DIP2A: variants seen among roughly 807,000 people sequenced by gnomAD.
The protein encoded by DIP2A is disco-interacting protein 2 homolog A.
A neutral mutation model predicts 177.4 loss-of-function variants in DIP2A; 85 were observed. The ratio of observed to expected loss-of-function variants is 0.48; its 90% CI spans 0.40 to 0.57. DIP2A has a LOEUF of 0.57. Ranked by LOEUF, DIP2A falls within the 20% of genes least tolerant of loss-of-function variation. The probability of loss-of-function intolerance (pLI) is 0.00; values close to 1 mark genes in which losing one functional copy is unlikely to be tolerated. For missense variants in DIP2A, 1,791 were observed against 2,100.2 expected, an observed-to-expected ratio of 0.85 and a Z score of 2.88; for synonymous variants, 886 against 881.8, an observed-to-expected ratio of 1.00 and a Z score of -0.08.
chr21:46,555,903 C>T, intron 28 of DIP2A, 79 bp from the exon 29 acceptor site: 6 of 1,059,282 alleles, frequency 5.7e-6, no homozygotes, highest in East Asian at 2.4e-5. Flanking sequence ...AATCATGTGT[C>T]GCCTCTTGCC....
At chr21:46,524,436 C>G (rs1191779579) in intron 8 of DIP2A, among the ~76,000 whole-genome samples, 2 of 152,160 alleles carry the variant, frequency 1.3e-5, no homozygotes, top group African/African-American at 4.8e-5. Flanking sequence ...GGTAAATGCA[C>G]CCCACTTACC....
chr21:46,551,690 C>T lies in DIP2A; in HGVS notation c.2896C>T (p.Gln966Ter). The stretch of plus-strand genomic sequence containing the variant: ...CCTGGTTGCTGGGAAGAGAATCGCT[C>T]AGGCTTCCGGGAGAGAGCTCGCCCA... ...GNLVAGKRIA[Q>*]ASGRELAHLE... Residue 966 changes from glutamine (Q) to a stop codon, truncating the protein, a stop_gained, in exon 24 of 38, where the codon CAG becomes TAG. Transcript: ENST00000417564. LOFTEE classifies it high-confidence loss of function. The T allele has an allele frequency of 6.2e-7, 1 of 1,613,988 alleles. No homozygotes were observed.
chr21:46,502,080 C>T (rs1013019659), intron 5 of DIP2A, among the ~76,000 whole-genome samples: 1 of 152,072 alleles, frequency 6.6e-6, no homozygotes, highest in African/African-American at 2.4e-5. Flanking sequence ...CTAACAGGTA[C>T]CTTCATTAAA....
chr21:46,516,523 G>A (rs61485237), intron 8 of DIP2A, among the ~76,000 whole-genome samples: 9,023 of 84,062 alleles, frequency 0.11, 905 homozygotes, highest in African/African-American at 0.29. Flanking sequence ...ATGGAGTCTG[G>A]CTCTGTCGCC....
chr21:46,583,446 C>T, the DIP2A span, among the ~76,000 whole-genome samples: 1 of 152,170 alleles, frequency 6.6e-6, no homozygotes, highest in African/African-American at 2.4e-5. Context: ...AACACACCAC[C>T]ATATGCTAGG....
chr21:46,574,821 A>G (rs1342465638), downstream of DIP2A, among the ~76,000 whole-genome samples: 1 of 152,168 alleles, frequency 6.6e-6, no homozygotes, highest in Admixed American at 6.5e-5. Flanking sequence ...TCTATTGACA[A>G]AAACCTGATG....
intron 3 of DIP2A, among the ~76,000 whole-genome samples, chr21:46,495,892 T>C (rs2148512280): frequency 6.6e-6 from 1 of 151,964 alleles, no homozygotes; most frequent in African/African-American, 2.4e-5. Flanking sequence ...GCCAACATAG[T>C]GAAACCCCAT....
At chr21:46,510,624 A>T (rs1026182350) in intron 7 of DIP2A, among the ~76,000 whole-genome samples, 2 of 122,228 alleles carry the variant, frequency 1.6e-5, no homozygotes, top group Admixed American at 2.2e-4. Context: ...ATAATCAAAT[A>T]ATCTTTTTTT....
chr21:46,460,922 G>C (rs1364860277), intron 1 of DIP2A, among the ~76,000 whole-genome samples: 3 of 151,868 alleles, frequency 2.0e-5, no homozygotes, highest in Non-Finnish European at 4.4e-5. Flanking sequence ...TCAAACTCCT[G>C]ACCTCAGGTG....
rs530235267 is a variant in DIP2A at position 46,567,686 on chromosome 21, G to C, written c.*64G>C. On this transcript the variant is annotated 3_prime_UTR_variant, in exon 38 of 38. Coordinates refer to ENST00000417564, the MANE Select transcript of DIP2A (RefSeq NM_015151.4). ...CCCAGCAGTCCAAGGTGTGATGTGG[G>C]AAGACACCGCAGAGCTCACTCACCG... is the stretch of plus-strand genomic sequence containing the variant. 12 of 1,528,742 alleles carry C rather than the reference G, an allele frequency of 7.8e-6. No individual in the cohort carries two copies. In the African/African-American group the frequency reaches 1.1e-4, roughly 14 times the overall value. 94.7% of individuals were successfully genotyped at this position (1,528,742 alleles called of 1,614,324 possible).
At chr21:46,516,321 T>C (rs1254745224) in intron 8 of DIP2A, among the ~76,000 whole-genome samples, 1 of 151,844 alleles carries the variant, frequency 6.6e-6, no homozygotes, top group Non-Finnish European at 1.5e-5. Context: ...CTTCCTCACT[T>C]TTTTTCTTCT....
At chr21:46,528,083 G>C (rs1337351051) in intron 8 of DIP2A, among the ~76,000 whole-genome samples, 1 of 152,156 alleles carries the variant, frequency 6.6e-6, no homozygotes, top group African/African-American at 2.4e-5. Context: ...CCTGTGCCTG[G>C]CGTGAGGTCC....
intron 22 of DIP2A, 103 bp downstream of exon 22, chr21:46,549,988 T>G (rs2060213452): frequency 1.0e-5 from 16 of 1,557,050 alleles, no homozygotes; most frequent in Non-Finnish European, 1.3e-5. Context: ...CGGTCCTCCC[T>G]GGCTCCAGCT....
intron 18 of DIP2A, among the ~76,000 whole-genome samples, chr21:46,543,492 C>T (rs2059905211): frequency 6.6e-6 from 1 of 151,764 alleles, no homozygotes; most frequent in African/African-American, 2.4e-5. Context: ...CCCCCTCCCC[C>T]AGGTGTGTGC....
chr21:46,501,521 GA>G (rs1380361289), intron 5 of DIP2A, among the ~76,000 whole-genome samples: 2 of 152,108 alleles, frequency 1.3e-5, no homozygotes, highest in African/African-American at 2.4e-5. Context: ...CTGGGCTTAA[GA>G]AATTCTCCCA....
At chr21:46,522,849 C>T (rs1176802141) in intron 8 of DIP2A, among the ~76,000 whole-genome samples, 1 of 152,108 alleles carries the variant, frequency 6.6e-6, no homozygotes, top group African/African-American at 2.4e-5. Context: ...CCAAAGAGTC[C>T]CAGGCTGTTA....
Position 46,567,733 on chromosome 21 carries a change from T to G in DIP2A, c.*111T>G, listed in dbSNP as rs906725287. The G allele has an allele frequency of 1.5e-6, 2 of 1,335,616 alleles. No individual in the cohort carries two copies. The highest frequency in any genetic ancestry group is 4.9e-5 in the Admixed American group (2 of 41,120). The allele number at this position is 1,335,616 out of a possible 1,614,324, so 82.7% of individuals were successfully genotyped here. On this transcript the variant is annotated 3_prime_UTR_variant, in exon 38 of 38. Transcript: ENST00000417564. ...ACCGGGACTCGCCCTTCCTGTGCTC[T>G]TACAGATCCCTCTCAACAATCCCCG...
chr21:46,558,088 A>G, intron 31 of DIP2A, 135 bp from the exon 32 acceptor site: 2 of 936,284 alleles, frequency 2.1e-6, no homozygotes, highest in Non-Finnish European at 3.1e-6. Flanking sequence ...TGTGGAACAG[A>G]CACAGCCTGC....
At position 46,556,799 on chromosome 21, in the gene DIP2A, C is replaced by A; in HGVS notation, c.3499-140C>A. The A allele has an allele frequency of 1.3e-6, 1 of 742,774 alleles. No homozygotes were observed. Among genetic ancestry groups the A allele is most frequent in the Non-Finnish European group, 2.1e-6 (1 of 485,910 alleles). The allele number at this position is 742,774 out of a possible 1,614,324, so 46.0% of individuals were successfully genotyped here. On this transcript the variant is annotated intron_variant, in intron 29 of 37. Coordinates refer to ENST00000417564, the MANE Select transcript of DIP2A (RefSeq NM_015151.4). This position sits in a 1 kb window ranked among gnomAD's most constrained non-coding sequence, Gnocchi z 4.5. ...AGGTTATATGGGGATTTGAGCCAACCGTCTTTTAAGGAAATAAATATGATG... is the reference window on the plus strand; with the variant it reads ...AGGTTATATGGGGATTTGAGCCAACAGTCTTTTAAGGAAATAAATATGATG...
Sources: allele counts gnomAD v4.1 joint callset (sites outside exome capture counted in the v4.1 genomes callset), GRCh38; gene constraint gnomAD v4.1.1; non-coding constraint Gnocchi (gnomAD v3.1); transcripts MANE v1.5; gene names NCBI Gene and HGNC (gene_info 2026-07-23, HGNC 2026-07-21).